The following PLAC1 variants were observed in gnomAD, a reference collection of about 807,000 sequenced individuals.
The protein encoded by PLAC1 is placenta-specific protein 1.
For missense variants in PLAC1, 136 were observed against 163.2 expected, an observed-to-expected ratio of 0.83 and a Z score of 0.91; for synonymous variants, 68 against 62.1, an observed-to-expected ratio of 1.09 and a Z score of -0.44.
intron 1 of PLAC1, among the ~76,000 whole-genome samples, chrX:134,655,767 A>C (rs1387095461): frequency 8.9e-6 from 1 of 112,398 alleles, no homozygotes; most frequent in Non-Finnish European, 1.9e-5. Context: ...AAAAAAATAA[A>C]AAGATTTAAT....
chrX:134,673,488 T>C (rs546001018), intron 2 of PLAC1, among the ~76,000 whole-genome samples: 5 of 110,935 alleles, frequency 4.5e-5, no homozygotes, highest in South Asian at 4.0e-4. Context: ...CTAGAAACTC[T>C]GTCATGTGAA....
intron 1 of PLAC1, chrX:134,607,057 G>A (rs2078126093): frequency 8.9e-6 from 1 of 112,474 alleles, no homozygotes; most frequent in African/African-American, 3.2e-5. Context: ...GCTTCAAGAT[G>A]TAATTAAAGT....
At chrX:134,681,427 A>G (rs986917657) in intron 2 of PLAC1, among the ~76,000 whole-genome samples, 1 of 111,577 alleles carries the variant, frequency 9.0e-6, no homozygotes, top group Non-Finnish European at 1.9e-5. Context: ...GTGAAATGGC[A>G]TTATATACAC....
chrX:134,570,642 G>T (rs1004856311), intron 2 of PLAC1, among the ~76,000 whole-genome samples: 2 of 111,806 alleles, frequency 1.8e-5, no homozygotes, highest in African/African-American at 6.5e-5. Flanking sequence ...CATTTGTATA[G>T]CCAAGTAGGG....
chrX:134,707,842 A>G (rs2078611255), intron 2 of PLAC1, among the ~76,000 whole-genome samples: 1 of 112,160 alleles, frequency 8.9e-6, no homozygotes, highest in African/African-American at 3.2e-5. Context: ...ACTTAAGATA[A>G]TTATAAACTG....
At chrX:134,686,138 A>G (rs1233383803) in intron 2 of PLAC1, among the ~76,000 whole-genome samples, 1 of 111,803 alleles carries the variant, frequency 8.9e-6, no homozygotes, top group Non-Finnish European at 1.9e-5. Context: ...CTCATCCAGG[A>G]ATCAGGAAAT....
At position 134,623,916 on chromosome X, in the gene PLAC1, C is replaced by T. The variant is rs181640768; in HGVS notation, c.-130-21794G>A. ...AGAACATTATATAAAATTAGTTTCC[C>T]CAAACTAAAGAAAGAGTTGGAAAAT... On this transcript the variant is annotated intron_variant, in intron 1 of 2. Coordinates refer to ENST00000359237, the MANE Select transcript of PLAC1 (RefSeq NM_021796.4). Among the ~76,000 whole-genome samples, 365 of 111,770 alleles carry T rather than the reference C, an allele frequency of 3.3e-3. 2 individuals carry two copies. Among genetic ancestry groups the T allele is most frequent in the Admixed American group, 6.5e-3 (68 of 10,534 alleles).
chrX:134,610,749 T>A (rs1049334597), intron 1 of PLAC1, among the ~76,000 whole-genome samples: 4 of 111,856 alleles, frequency 3.6e-5, no homozygotes, highest in African/African-American at 1.3e-4. Context: ...CAACCAGTAA[T>A]CCTGCCTCAT....
intron 1 of PLAC1, chrX:134,606,373 A>G (rs2078122912): frequency 8.9e-6 from 1 of 112,093 alleles, no homozygotes; most frequent in Non-Finnish European, 1.9e-5. Flanking sequence ...ATTGCTTATC[A>G]TAATGCTTAA....
At chrX:134,660,167 C>T (rs149630534), upstream of PLAC1, among the ~76,000 whole-genome samples, 2,885 of 108,297 alleles carry the variant, frequency 0.027, 106 homozygotes, top group African/African-American at 0.093. Context: ...TGCAATGGTG[C>T]GATCTCAGCT....
chrX:134,709,363 C>T (rs1393204180), intron 2 of PLAC1, among the ~76,000 whole-genome samples: 2 of 112,351 alleles, frequency 1.8e-5, no homozygotes, highest in East Asian at 2.8e-4. Flanking sequence ...CAGTGGCTCA[C>T]GCCTATAATC....
intron 2 of PLAC1, among the ~76,000 whole-genome samples, chrX:134,571,658 A>T (rs1382811265): frequency 8.9e-6 from 1 of 111,959 alleles, no homozygotes; most frequent in Non-Finnish European, 1.9e-5. Context: ...GACCCCAAAA[A>T]AATCCTTTTA....
chrX:134,712,304 T>C (rs1230879777), intron 2 of PLAC1, among the ~76,000 whole-genome samples: 2 of 111,288 alleles, frequency 1.8e-5, no homozygotes. Context: ...GCATATCAAA[T>C]CCATTATTAG....
chrX:134,667,272 T>G (rs2078440398), intron 2 of PLAC1, among the ~76,000 whole-genome samples: 1 of 112,244 alleles, frequency 8.9e-6, no homozygotes, highest in South Asian at 3.7e-4. Context: ...GGAAATTACA[T>G]ATCTCATAAG....
chrX:134,751,445 T>A (rs1029140764), intron 1 of PLAC1, among the ~76,000 whole-genome samples: 1 of 111,315 alleles, frequency 9.0e-6, no homozygotes, highest in African/African-American at 3.3e-5. Context: ...CAGCTACCAG[T>A]CTCTAGAATG....
chrX:134,682,560 T>C (rs1174673227), intron 2 of PLAC1, among the ~76,000 whole-genome samples: 1 of 110,619 alleles, frequency 9.0e-6, no homozygotes, highest in Admixed American at 9.6e-5. Flanking sequence ...GCTTTTTTTT[T>C]TTCTTTTTTG....
chrX:134,669,446 G>A (rs2078447764), intron 2 of PLAC1, among the ~76,000 whole-genome samples: 1 of 112,442 alleles, frequency 8.9e-6, no homozygotes, highest in Non-Finnish European at 1.9e-5. Context: ...ACAGTGACTT[G>A]CGCATTGTAA....
intron 2 of PLAC1, among the ~76,000 whole-genome samples, chrX:134,714,218 T>C (rs953501473): frequency 9.0e-6 from 1 of 111,485 alleles, no homozygotes; most frequent in Non-Finnish European, 1.9e-5. Flanking sequence ...GCTTGTTGCA[T>C]TTTCAGAGCT....
chrX:134,573,436 C>T (rs1037935138), intron 2 of PLAC1, among the ~76,000 whole-genome samples: 3 of 111,457 alleles, frequency 2.7e-5, no homozygotes, highest in South Asian at 3.8e-4. Flanking sequence ...CTCAACTCCA[C>T]GGCAGCCACG....
Sources: allele counts gnomAD v4.1 joint callset (sites outside exome capture counted in the v4.1 genomes callset), GRCh38; gene constraint gnomAD v4.1.1; transcripts MANE v1.5; gene names NCBI Gene and HGNC (gene_info 2026-07-23, HGNC 2026-07-21).